ARID2: variants seen among roughly 807,000 people sequenced by gnomAD.
ARID2 encodes the protein AT-rich interaction domain 2.
In ARID2, 32 loss-of-function variants were observed where a neutral mutation model predicts 184.6. The ratio of observed to expected loss-of-function variants is 0.17; its 90% confidence interval spans 0.13 to 0.23. The LOEUF (loss-of-function observed/expected upper bound fraction) is 0.23, where lower values mean the gene tolerates loss of function less well. ARID2 is among the 10% of genes least tolerant of loss of function. The probability of loss-of-function intolerance (pLI) is 1.00; values close to 1 mark genes in which losing one functional copy is unlikely to be tolerated. For missense variants in ARID2, 1,696 were observed against 2,197.6 expected (o/e 0.77, Z 4.56); for synonymous variants, 836 against 772.6 (o/e 1.08, Z -1.36).
rs2138174350 is a variant in ARID2, at chr12:45,851,883, A to G, written c.3760A>G (p.Thr1254Ala). Residue 1254 changes from threonine to alanine, a missense_variant, in exon 15 of 21, where the codon ACA (threonine) becomes GCA (alanine). By Grantham distance (58) the Thr-to-Ala change is moderately conservative (BLOSUM62 0). Coordinates refer to ENST00000334344, the MANE Select transcript of ARID2 (RefSeq NM_152641.4). ...CQKEEEAKEA[T>A]GLHVHERKIE... The stretch of plus-strand genomic sequence containing the variant: ...AAAGGAGGAGGAAGCAAAGGAAGCA[A>G]CAGGTTTACATGTTCATGAACGTAA... 6.2e-7 allele frequency: 1 copy of G among 1,614,220 alleles called. No individual in the cohort carries two copies. The highest frequency in any genetic ancestry group is 8.5e-7 in the Non-Finnish European group (1 of 1,180,018).
chr12:45,810,524 C>T (rs911731515), intron 3 of ARID2, among the ~76,000 whole-genome samples: 1 of 151,774 alleles, frequency 6.6e-6, no homozygotes, highest in Non-Finnish European at 1.5e-5. Context: ...CTGAAAATAC[C>T]CTAAATGTAT....
chr12:45,834,499 T>C (rs547945373), intron 6 of ARID2, among the ~76,000 whole-genome samples: 12 of 152,260 alleles, frequency 7.9e-5, no homozygotes, highest in African/African-American at 2.9e-4. Flanking sequence ...TCCCAGCACT[T>C]TGGGAGGCCG....
intron 3 of ARID2, among the ~76,000 whole-genome samples, chr12:45,795,489 T>C (rs2138060035): frequency 6.6e-6 from 1 of 152,274 alleles, no homozygotes; most frequent in South Asian, 2.1e-4. Context: ...TGGAGTGCAG[T>C]GGTGCGATCT....
chr12:45,901,807 A>C (rs765125212), intron 20 of ARID2, among the ~76,000 whole-genome samples: 16 of 151,866 alleles, frequency 1.1e-4, no homozygotes, highest in Non-Finnish European at 1.3e-4. Flanking sequence ...GACCACAAGC[A>C]TATGCCACCA....
At chr12:45,816,225 G>A (rs1194359428) in intron 4 of ARID2, among the ~76,000 whole-genome samples, 2 of 152,052 alleles carry the variant, frequency 1.3e-5, no homozygotes, top group Non-Finnish European at 2.9e-5. Flanking sequence ...TTCTCCTGTG[G>A]AAAATCTTAG....
chr12:45,792,517 A>T (rs935435914), intron 3 of ARID2, among the ~76,000 whole-genome samples: 1 of 152,238 alleles, frequency 6.6e-6, no homozygotes, highest in Non-Finnish European at 1.5e-5. Flanking sequence ...AGTGCTTTGT[A>T]TACAGTATGT....
intron 6 of ARID2, among the ~76,000 whole-genome samples, chr12:45,822,727 G>C (rs1377557781): frequency 6.6e-6 from 1 of 151,864 alleles, no homozygotes; most frequent in African/African-American, 2.4e-5. Flanking sequence ...AACAAAAAGA[G>C]ACAAAAAAGG....
At chr12:45,843,344 C>T (rs565786803) in intron 11 of ARID2, among the ~76,000 whole-genome samples, 1 of 149,356 alleles carries the variant, frequency 6.7e-6, no homozygotes, top group East Asian at 1.9e-4. Flanking sequence ...CCCTGAGTTT[C>T]TGGATCAGGT....
At chr12:45,742,659 T>G (rs1417619548) in intron 3 of ARID2, among the ~76,000 whole-genome samples, 2 of 152,194 alleles carry the variant, frequency 1.3e-5, no homozygotes. Flanking sequence ...TGTAGCTATA[T>G]CCTAGTTTAT....
intron 16 of ARID2, among the ~76,000 whole-genome samples, chr12:45,873,302 C>G (rs61925816): frequency 6.6e-6 from 1 of 152,170 alleles, no homozygotes; most frequent in South Asian, 2.1e-4. Context: ...ATTATCCTCT[C>G]TGTCTTTTAA....
rs1022277868 is a variant in ARID2, at chr12:45,850,028, A to G, written c.1913-8A>G. 7 of 1,573,246 alleles carry G rather than the reference A, an allele frequency of 4.4e-6. No individual in the cohort carries two copies. In the Admixed American group the frequency reaches 1.3e-4, roughly 30 times the overall value. On this transcript the variant is annotated splice_polypyrimidine_tract_variant and splice_region_variant and intron_variant, in intron 14 of 20. Coordinates refer to ENST00000334344, the MANE Select transcript of ARID2 (RefSeq NM_152641.4). ...TTTGGAATTTTGACGTTTTCTTCAT[A>G]TTTTCAGGAATCCCTCATGGATCAC...
chr12:45,883,632 A>G (rs1944139507), intron 16 of ARID2, among the ~76,000 whole-genome samples: 2 of 151,060 alleles, frequency 1.3e-5, no homozygotes, highest in African/African-American at 2.4e-5. Context: ...TAATACATCT[A>G]TGTGTAGTAT....
intron 20 of ARID2, among the ~76,000 whole-genome samples, chr12:45,898,828 C>T (rs1299316286): frequency 5.3e-5 from 8 of 151,692 alleles, no homozygotes; most frequent in South Asian, 2.1e-4. Context: ...GCAGGAGAAT[C>T]GCTTGAACCC....
intron 3 of ARID2, among the ~76,000 whole-genome samples, chr12:45,787,913 C>G (rs1175466783): frequency 2.6e-5 from 4 of 152,094 alleles, no homozygotes; most frequent in African/African-American, 9.7e-5. Flanking sequence ...TATTTTCACT[C>G]CTTTTGCTTT....
chr12:45,795,264 A>G (rs1416563762), intron 3 of ARID2, among the ~76,000 whole-genome samples: 2 of 152,000 alleles, frequency 1.3e-5, no homozygotes, highest in African/African-American at 2.4e-5. Flanking sequence ...ATTTCTACCC[A>G]TTGTACAATC....
intron 3 of ARID2, among the ~76,000 whole-genome samples, chr12:45,809,785 G>A (rs890365757): frequency 1.3e-5 from 2 of 152,162 alleles, no homozygotes; most frequent in Non-Finnish European, 2.9e-5. Context: ...TCTTTTCCAG[G>A]TTCAAGGATG....
intron 6 of ARID2, among the ~76,000 whole-genome samples, chr12:45,825,597 G>A (rs1422637356): frequency 6.6e-6 from 1 of 152,084 alleles, no homozygotes. Flanking sequence ...TGTCTTTAAT[G>A]CATCAAGACT....
intron 6 of ARID2, among the ~76,000 whole-genome samples, chr12:45,831,660 C>A (rs1018111855): frequency 1.3e-5 from 2 of 152,164 alleles, no homozygotes; most frequent in South Asian, 4.1e-4. Flanking sequence ...TCCTACTTTG[C>A]CCCAGCCTCT....
chr12:45,792,961 T>C (rs2138056364), intron 3 of ARID2, among the ~76,000 whole-genome samples: 1 of 152,292 alleles, frequency 6.6e-6, no homozygotes, highest in South Asian at 2.1e-4. Flanking sequence ...AAAAATTGTT[T>C]AGTCTGTTTA....
Sources: allele counts gnomAD v4.1 joint callset (sites outside exome capture counted in the v4.1 genomes callset), GRCh38; gene constraint gnomAD v4.1.1; transcripts MANE v1.5; gene names NCBI Gene and HGNC (gene_info 2026-07-23, HGNC 2026-07-21).